The following SLC35F1 variants were observed in gnomAD, a reference collection of about 807,000 sequenced individuals.
SLC35F1 encodes the protein chromosome 6 open reading frame 169.
A neutral mutation model predicts 48.7 loss-of-function variants in SLC35F1; 14 were observed. The ratio of observed to expected loss-of-function variants is 0.29; its 90% confidence interval spans 0.19 to 0.45. The LOEUF (loss-of-function observed/expected upper bound fraction) is 0.45, where lower values mean the gene tolerates loss of function less well. Ranked by LOEUF, SLC35F1 falls within the 20% of genes least tolerant of loss-of-function variation. The probability of loss-of-function intolerance (pLI) is 1.00; values close to 1 mark genes in which losing one functional copy is unlikely to be tolerated. For synonymous variants in SLC35F1, 190 were observed against 202.2 expected (o/e 0.94, Z 0.51); for missense variants, 404 against 500.0 (o/e 0.81, Z 1.83).
chr6:118,076,245 T>A (rs1772816328), intron 1 of SLC35F1, among the ~76,000 whole-genome samples: 1 of 152,222 alleles, frequency 6.6e-6, no homozygotes, highest in Non-Finnish European at 1.5e-5. Flanking sequence ...ATGCTTAATG[T>A]TTACATTTAA....
intron 1 of SLC35F1, among the ~76,000 whole-genome samples, chr6:118,076,932 G>A (rs1025235949): frequency 1.3e-5 from 2 of 151,558 alleles, no homozygotes; most frequent in Non-Finnish European, 2.9e-5. Context: ...AAACTTCCTT[G>A]CCTATTTTTG....
At chr6:117,922,248 A>T (rs765288418) in intron 1 of SLC35F1, among the ~76,000 whole-genome samples, 1 of 152,204 alleles carries the variant, frequency 6.6e-6, no homozygotes, top group Non-Finnish European at 1.5e-5. Context: ...GTAGTTAGGT[A>T]GTCCCAGCTC....
intron 1 of SLC35F1, among the ~76,000 whole-genome samples, chr6:118,082,724 G>C (rs72961809): frequency 0.29 from 43,319 of 151,978 alleles, 7,358 homozygotes; most frequent in Middle Eastern, 0.45. Flanking sequence ...TTATTCTCAA[G>C]CAAGTTTTCT....
intron 1 of SLC35F1, among the ~76,000 whole-genome samples, chr6:118,042,946 A>AT (rs1772247416): frequency 6.6e-6 from 1 of 152,166 alleles, no homozygotes; most frequent in South Asian, 2.1e-4. Context: ...AATTAGTTCC[A>AT]TTTTTAACAG....
intron 2 of SLC35F1, among the ~76,000 whole-genome samples, chr6:118,223,599 A>G (rs1446229161): frequency 6.6e-6 from 1 of 152,208 alleles, no homozygotes; most frequent in East Asian, 1.9e-4. Flanking sequence ...TGTTCAATGG[A>G]AAATAAATGT....
At chr6:118,179,230 A>T (rs1292981294) in intron 2 of SLC35F1, among the ~76,000 whole-genome samples, 1 of 152,116 alleles carries the variant, frequency 6.6e-6, no homozygotes, top group Non-Finnish European at 1.5e-5. Flanking sequence ...TTGGAAGCTG[A>T]GGAGTCGCAT....
At chr6:117,928,487 A>G (rs1310694527) in intron 1 of SLC35F1, among the ~76,000 whole-genome samples, 1 of 152,172 alleles carries the variant, frequency 6.6e-6, no homozygotes, top group Non-Finnish European at 1.5e-5. Context: ...AAAACAACGT[A>G]ACTTAATGCC....
At chr6:118,209,906 A>G (rs6569006) in intron 2 of SLC35F1, among the ~76,000 whole-genome samples, 73,422 of 152,032 alleles carry the variant, frequency 0.48, 18,357 homozygotes, top group Non-Finnish European at 0.56. Context: ...AGGGCAATCT[A>G]TATGACAAAA....
intron 7 of SLC35F1, among the ~76,000 whole-genome samples, chr6:118,299,804 T>C (rs879620272): frequency 6.6e-6 from 1 of 152,174 alleles, no homozygotes; most frequent in Non-Finnish European, 1.5e-5. Context: ...AGGTTTCTCA[T>C]CCAGGCTCAC....
At chr6:118,199,703 TAATC>T (rs1438798893) in intron 2 of SLC35F1, among the ~76,000 whole-genome samples, 1 of 152,122 alleles carries the variant, frequency 6.6e-6, no homozygotes, top group African/African-American at 2.4e-5. Context: ...TACAGGGAAA[TAATC>T]AATGCATTTC....
chr6:118,272,320 G>A (rs932968113), intron 4 of SLC35F1, among the ~76,000 whole-genome samples: 16 of 152,148 alleles, frequency 1.1e-4, no homozygotes, highest in South Asian at 2.1e-4. Flanking sequence ...GAAATTCAGA[G>A]GAGGGAGAGA....
intron 1 of SLC35F1, among the ~76,000 whole-genome samples, chr6:118,027,543 A>C (rs1184632502): frequency 6.6e-6 from 1 of 152,084 alleles, no homozygotes; most frequent in Non-Finnish European, 1.5e-5. Context: ...TGACTTAATG[A>C]TAGTAAACAT....
chr6:118,211,064 T>C (rs1025629510), intron 2 of SLC35F1, among the ~76,000 whole-genome samples: 1 of 152,114 alleles, frequency 6.6e-6, no homozygotes, highest in East Asian at 1.9e-4. Context: ...GAAAATACTA[T>C]CTGGAAGACA....
At chr6:118,066,759 T>TTTTAC in intron 1 of SLC35F1, among the ~76,000 whole-genome samples, 1 of 151,204 alleles carries the variant, frequency 6.6e-6, no homozygotes, top group African/African-American at 2.4e-5. Context: ...TTTTTTTTTT[T>TTTTAC]TCTTGAGACA....
At chr6:117,994,323 T>A (rs1418885328) in intron 1 of SLC35F1, among the ~76,000 whole-genome samples, 1 of 152,178 alleles carries the variant, frequency 6.6e-6, no homozygotes, top group Non-Finnish European at 1.5e-5. Flanking sequence ...TAAGAGCTCC[T>A]GTGATTAGGC....
In SLC35F1 at chr6:117,907,783, G is replaced by C; in HGVS notation, c.57G>C (p.Pro19=). ...TGCAGCCGCCGTCGCCAGCCCCGCC[G>C]AACCATGTGGTGACCACCATCGAGA... ...QQLQPPSPAP[P]NHVVTTIENL... Residue 19 remains proline, a synonymous_variant, in exon 1 of 8, where the codon CCG becomes CCC. Transcript: ENST00000360388. The C allele has an allele frequency of 4.5e-6, 7 of 1,560,506 alleles. No individual in the cohort carries two copies. The highest frequency in any genetic ancestry group is 6.0e-6 in the Non-Finnish European group (7 of 1,162,422).
At chr6:118,277,698 T>C in intron 6 of SLC35F1, 152 bp downstream of exon 6, 1 of 704,056 alleles carries the variant, frequency 1.4e-6, no homozygotes, top group Non-Finnish European at 2.5e-6. Context: ...CAGGAAATCC[T>C]GCACACTCTG....
chr6:118,074,943 C>T (rs1211874651), intron 1 of SLC35F1, among the ~76,000 whole-genome samples: 2 of 152,170 alleles, frequency 1.3e-5, no homozygotes, highest in African/African-American at 2.4e-5. Context: ...TGCTCCCAGT[C>T]GAGACACATA....
chr6:118,292,240 A>G (rs1776132917), intron 7 of SLC35F1, among the ~76,000 whole-genome samples: 1 of 152,230 alleles, frequency 6.6e-6, no homozygotes, highest in African/African-American at 2.4e-5. Flanking sequence ...GGGTGTAGCC[A>G]GGGTTAGACC....
Sources: allele counts gnomAD v4.1 joint callset (sites outside exome capture counted in the v4.1 genomes callset), GRCh38; gene constraint gnomAD v4.1.1; transcripts MANE v1.5; gene names NCBI Gene and HGNC (gene_info 2026-07-23, HGNC 2026-07-21).